ATP2A2: variants seen among roughly 807,000 people sequenced by gnomAD.
The protein encoded by ATP2A2 is ATPase sarcoplasmic/endoplasmic reticulum Ca2+ transporting 2.
A neutral mutation model predicts 109.3 loss-of-function variants in ATP2A2; 14 were observed. The observed-to-expected ratio is 0.13, with a 90% CI of 0.08 to 0.20. ATP2A2 has a LOEUF of 0.20. Among genes scored for constraint, ATP2A2 ranks in the 10% least tolerant of loss-of-function variants. ATP2A2 has a pLI of 1.00. For missense variants in ATP2A2, 657 were observed against 1,321.6 expected (o/e 0.50, Z 7.80); for synonymous variants, 506 against 490.9 (o/e 1.03, Z -0.41).
chr12:110,281,765 C>T lies in ATP2A2; in HGVS notation c.-25C>T. On this transcript the variant is annotated 5_prime_UTR_variant, in exon 1 of 20. Coordinates refer to ENST00000539276, the MANE Select transcript of ATP2A2 (RefSeq NM_170665.4). The stretch of plus-strand genomic sequence containing the variant: ...GCGAGGAGGCCGCGGGGACGGGAGG[C>T]GAGGCCGGCCGGGCCCCCGAAGCCA... The T allele has an allele frequency of 1.4e-6, 2 of 1,457,260 alleles. No individual in the cohort carries two copies. Among genetic ancestry groups the T allele is most frequent in the South Asian group, 1.3e-5 (1 of 75,418 alleles). 90.3% of individuals were successfully genotyped at this position (1,457,260 alleles called of 1,614,324 possible).
chr12:110,341,013 G>C lies in ATP2A2; in HGVS notation c.2097+19G>C. 3 of 1,613,140 alleles carry C rather than the reference G, an allele frequency of 1.9e-6. No individual in the cohort carries two copies. Among genetic ancestry groups the C allele is most frequent in the Middle Eastern group, 1.7e-4 (1 of 6,060 alleles). On this transcript the variant is annotated intron_variant, in intron 14 of 19. Transcript: ENST00000539276. ...AGCTATGGTGAGCATGTTTGAACAT[G>C]TACAGGTGACTCAGGCTACACAAGC... is the stretch of plus-strand genomic sequence containing the variant.
At chr12:110,338,203 T>A (rs1879023624) in intron 11 of ATP2A2, among the ~76,000 whole-genome samples, 1 of 152,224 alleles carries the variant, frequency 6.6e-6, no homozygotes, top group African/African-American at 2.4e-5. Context: ...TCTGGTCTCA[T>A]TACTATAATC....
At chr12:110,285,899 C>A (rs1355761745) in intron 3 of ATP2A2, among the ~76,000 whole-genome samples, 16 of 150,684 alleles carry the variant, frequency 1.1e-4, no homozygotes, top group Non-Finnish European at 1.5e-5. Flanking sequence ...TCCTACTAGA[C>A]CCCCTTGAGT....
Position 110,281,693 on chromosome 12 carries a change from T to G in ATP2A2, c.-97T>G. On this transcript the variant is annotated 5_prime_UTR_variant, in exon 1 of 20. Transcript: ENST00000539276. ...GAGGAGGGGAGAGCCCGTCCGCGCC[T>G]GGGCTCCCGGGGTGGCACGAGCCCG... The G allele has an allele frequency of 1.2e-6, 1 of 818,950 alleles. No individual in the cohort carries two copies. Among genetic ancestry groups the G allele is most frequent in the Non-Finnish European group, 1.7e-6 (1 of 580,218 alleles). 50.7% of individuals were successfully genotyped at this position (818,950 alleles called of 1,614,324 possible). A position where few individuals can be genotyped will look rare whatever the true frequency, so the allele number is the denominator to read the frequency against.
Position 110,347,024 on chromosome 12 carries a change from A to ACCCCC in ATP2A2, c.*558_*559insCCCCC. 3.0e-6 allele frequency: 3 copies of ACCCCC among 996,572 alleles called. No homozygotes were observed. The highest frequency in any genetic ancestry group is 3.6e-6 in the Non-Finnish European group (3 of 834,894). 61.7% of individuals were successfully genotyped at this position (996,572 alleles called of 1,614,324 possible). A position where few individuals can be genotyped will look rare whatever the true frequency, so the allele number is the denominator to read the frequency against. On this transcript the variant is annotated 3_prime_UTR_variant, in exon 20 of 20. Transcript: ENST00000539276. Reference sequence around the variant, plus strand: ...ACCCACTTTGGCCTCCGTTCACCCCACCCCACCCCACCTCTCCCCACCTTA... The same window carrying ACCCCC: ...ACCCACTTTGGCCTCCGTTCACCCCACCCCCCCCCACCCCACCTCTCCCCACCTTA...
At position 110,346,236 on chromosome 12, in the gene ATP2A2, G is replaced by A. The variant is rs370586048; in HGVS notation, c.2895G>A (p.Gln965=). Residue 965 remains glutamine, a synonymous_variant, in exon 20 of 20, where the codon CAG becomes CAA. Coordinates refer to ENST00000539276, the MANE Select transcript of ATP2A2 (RefSeq NM_170665.4). ...AGATCACACCGCTGAACGTGACCCA[G>A]TGGCTGATGGTGCTGAAAATCTCCT... is the stretch of plus-strand genomic sequence containing the variant. ...IFQITPLNVT[Q]WLMVLKISLP... The A allele has an allele frequency of 5.1e-5, 82 of 1,614,094 alleles. No individual in the cohort carries two copies. Among genetic ancestry groups the A allele is most frequent in the Non-Finnish European group, 5.3e-5 (63 of 1,180,054 alleles).
chr12:110,326,116 T>TA (rs1877777977), intron 6 of ATP2A2: 2 of 497,986 alleles, frequency 4.0e-6, no homozygotes, highest in African/African-American at 3.9e-5. Flanking sequence ...TTTGAATAGT[T>TA]ACTCCAGAAA....
rs555862022 is a variant in ATP2A2 at position 110,284,645 on chromosome 12, T to C, written c.219+1850T>C. 3.3e-5 allele frequency among the ~76,000 whole-genome samples: 5 copies of C among 152,350 alleles called. No homozygotes were observed. The South Asian group carries it at 1.0e-3, about 32-fold the overall frequency. On this transcript the variant is annotated intron_variant, in intron 3 of 19. Transcript: ENST00000539276. The stretch of plus-strand genomic sequence containing the variant: ...TTCAAGCAGGTTTTTAAATAAATGC[T>C]TTAATTTTTTTTATAAGATAGGACC...
At chr12:110,284,383 TAATC>T (rs1470058436) in intron 3 of ATP2A2, among the ~76,000 whole-genome samples, 1 of 152,234 alleles carries the variant, frequency 6.6e-6, no homozygotes, top group Non-Finnish European at 1.5e-5. Flanking sequence ...TCTTAAAAAT[TAATC>T]AGCTGACTAC....
At chr12:110,344,744 G>A in intron 16 of ATP2A2, 142 bp from the exon 17 acceptor site, 1 of 786,152 alleles carries the variant, frequency 1.3e-6, no homozygotes, top group Non-Finnish European at 2.2e-6. Flanking sequence ...GCGTGAGCAG[G>A]TGGTGGTAGC....
chr12:110,300,340 A>G lies in ATP2A2; in HGVS notation c.463+3603A>G, dbSNP rs139153819. Among the ~76,000 whole-genome samples the G allele has an allele frequency of 3.2e-3, 425 of 131,730 alleles. 2 individuals carry two copies. Among genetic ancestry groups the G allele is most frequent in the Admixed American group, 7.9e-3 (101 of 12,708 alleles). 86.4% of individuals were successfully genotyped at this position (131,730 alleles called of 152,430 possible). On this transcript the variant is annotated intron_variant, in intron 5 of 19. Transcript: ENST00000539276. Reference sequence around the variant, plus strand: ...GTAGCTGGTAATACAGGCACATGACACCATGCCCAGCTTTTTTTTTTTTTT... The same window carrying G: ...GTAGCTGGTAATACAGGCACATGACGCCATGCCCAGCTTTTTTTTTTTTTT...
Position 110,347,874 on chromosome 12 carries a change from A to G in ATP2A2, c.*1404A>G, listed in dbSNP as rs375354343. 7.6e-5 allele frequency: 76 copies of G among 1,001,784 alleles called. No individual in the cohort carries two copies. The South Asian group carries it at 2.3e-3, about 30-fold the overall frequency. The allele number at this position is 1,001,784 out of a possible 1,614,324, so 62.1% of individuals were successfully genotyped here. A position where few individuals can be genotyped will look rare whatever the true frequency, so the allele number is the denominator to read the frequency against. On this transcript the variant is annotated 3_prime_UTR_variant, in exon 20 of 20. Coordinates refer to ENST00000539276, the MANE Select transcript of ATP2A2 (RefSeq NM_170665.4). ...TGAGATAACTGTATGTCACTAACTT[A>G]TAAGCCGCCTCCATGGCAGATGCTG...
chr12:110,291,350 C>T (rs1385128971), intron 3 of ATP2A2, among the ~76,000 whole-genome samples: 1 of 151,760 alleles, frequency 6.6e-6, no homozygotes. Flanking sequence ...ATTACTGACA[C>T]ACATCACCAT....
intron 3 of ATP2A2, 97 bp from the exon 4 acceptor site, chr12:110,291,923 A>C (rs1463182469): frequency 4.6e-6 from 5 of 1,095,972 alleles, no homozygotes; most frequent in Non-Finnish European, 7.0e-6. Context: ...CTGGGATTAC[A>C]GGCCTGAGCC....
At chr12:110,323,612 C>G (rs922455954) in intron 6 of ATP2A2, among the ~76,000 whole-genome samples, 42 of 152,162 alleles carry the variant, frequency 2.8e-4, no homozygotes, top group African/African-American at 9.6e-4. Flanking sequence ...GAGTTAAAGA[C>G]GGGCCTGGGC....
chr12:110,342,251 T>C lies in ATP2A2; in HGVS notation c.2121T>C (p.Ala707=). 1.2e-6 allele frequency: 2 copies of C among 1,614,204 alleles called. No homozygotes were observed. Among genetic ancestry groups the C allele is most frequent in the Non-Finnish European group, 8.5e-7 (1 of 1,180,036 alleles). Residue 707 remains alanine (A), a synonymous_variant, in exon 15 of 20, where the codon GCT becomes GCC. Coordinates refer to ENST00000539276, the MANE Select transcript of ATP2A2 (RefSeq NM_170665.4). The surrounding 1 kb of genome is among the most constrained non-coding windows in gnomAD (Gnocchi z 4.6). Reference sequence around the variant, plus strand: ...AGACTGGCGATGGCGTGAACGATGCTCCTGCTCTGAAGAAAGCCGAGATTG... The same window carrying C: ...AGACTGGCGATGGCGTGAACGATGCCCCTGCTCTGAAGAAAGCCGAGATTG... ...TAMTGDGVND[A]PALKKAEIGI... is the part of the protein sequence containing the mutation.
At chr12:110,334,849 A>G (rs1026267981) in intron 11 of ATP2A2, among the ~76,000 whole-genome samples, 59 of 152,108 alleles carry the variant, frequency 3.9e-4, no homozygotes, top group African/African-American at 1.4e-3. Flanking sequence ...CGGCCTCCCA[A>G]AGTGCTGGGA....
chr12:110,341,079 A>G, intron 14 of ATP2A2, 85 bp downstream of exon 14: 1 of 1,410,550 alleles, frequency 7.1e-7, no homozygotes, highest in Non-Finnish European at 9.8e-7. Context: ...TTTTTTTGTC[A>G]TAGCTCCCTA....
Position 110,282,728 on chromosome 12 carries a change from A to G in ATP2A2, c.152A>G (p.Glu51Gly). The G allele has an allele frequency of 1.2e-6, 2 of 1,614,118 alleles. No homozygotes were observed. The highest frequency in any genetic ancestry group is 1.7e-6 in the Non-Finnish European group (2 of 1,180,022). ...TTTCTTACAGGAAAAACCTTGCTGG[A>G]ACTTGTGATTGAGCAGTTTGAAGAC... Reference protein sequence around the residue: ...LPAEEGKTLLELVIEQFEDLL... With the variant: ...LPAEEGKTLLGLVIEQFEDLL... Residue 51 changes from glutamate (E) to glycine (G), a missense_variant, in exon 3 of 20, where the codon GAA becomes GGA. Coordinates refer to ENST00000539276, the MANE Select transcript of ATP2A2 (RefSeq NM_170665.4).
Sources: allele counts gnomAD v4.1 joint callset (sites outside exome capture counted in the v4.1 genomes callset), GRCh38; gene constraint gnomAD v4.1.1; non-coding constraint Gnocchi (gnomAD v3.1); transcripts MANE v1.5; gene names NCBI Gene and HGNC (gene_info 2026-07-23, HGNC 2026-07-21).